The following BOC variants were observed in gnomAD, a reference collection of about 807,000 sequenced individuals.
BOC encodes the protein brother of CDO.
Under a neutral mutation model 112.0 loss-of-function variants are expected in BOC, and 76 were observed. The observed-to-expected ratio is 0.68, with a 90% CI of 0.56 to 0.82. The LOEUF (loss-of-function observed/expected upper bound fraction) is 0.82, where lower values mean the gene tolerates loss of function less well. Ranked by LOEUF, BOC falls within the 40% of genes least tolerant of loss-of-function variation. The pLI is 0.00. For synonymous variants in BOC, 580 were observed against 599.8 expected, an observed-to-expected ratio of 0.97 and a Z score of 0.48; for missense variants, 1,309 against 1,511.7, an observed-to-expected ratio of 0.87 and a Z score of 2.22.
chr3:113,224,477 T>G (rs1291182514), intron 2 of BOC, among the ~76,000 whole-genome samples: 1 of 151,726 alleles, frequency 6.6e-6, no homozygotes, highest in African/African-American at 2.4e-5. Context: ...ATGGTGGATT[T>G]TATAAGGCAT....
rs9822391 is a variant in BOC at position 113,216,266 on chromosome 3, G to C, written c.-90G>C. On this transcript the variant is annotated 5_prime_UTR_variant, in exon 2 of 20. Coordinates refer to ENST00000682979, the MANE Select transcript of BOC (RefSeq NM_001378074.1). ...ACCGTCTGAGGGTAGCAGCTCGAAA[G>C]TAGAAGAAGTGGGTGAGGTTTTCTC... 47,859 of 455,872 alleles carry C rather than the reference G, an allele frequency of 0.1. 2,744 individuals are homozygous for C. Among genetic ancestry groups the C allele is most frequent in the East Asian group, 0.21 (2,972 of 14,374 alleles). 28.2% of individuals were successfully genotyped at this position (455,872 alleles called of 1,614,324 possible). A position where few individuals can be genotyped will look rare whatever the true frequency, so the allele number is the denominator to read the frequency against.
intron 2 of BOC, among the ~76,000 whole-genome samples, chr3:113,216,678 G>A (rs1939445991): frequency 6.6e-6 from 1 of 152,200 alleles, no homozygotes; most frequent in South Asian, 2.1e-4. Context: ...ACAAAAATCA[G>A]CGGGATTGTG....
At chr3:113,272,769 A>G (rs1485543328) in intron 7 of BOC, 66 bp downstream of exon 7, 2 of 1,553,960 alleles carry the variant, frequency 1.3e-6, no homozygotes, top group Non-Finnish European at 1.8e-6. Context: ...CTTTCTAGAA[A>G]TGTAACCCAG....
rs1187094404 is a variant in BOC at position 113,278,517 on chromosome 3, C to T, written c.1706-156C>T. Among the ~76,000 whole-genome samples, 1 of 152,106 alleles carries T rather than the reference C, an allele frequency of 6.6e-6. No homozygotes were observed. The highest frequency in any genetic ancestry group is 1.5e-5 in the Non-Finnish European group (1 of 68,012). On this transcript the variant is annotated intron_variant, in intron 10 of 19. Coordinates refer to ENST00000682979, the MANE Select transcript of BOC (RefSeq NM_001378074.1). The surrounding 1 kb of genome is among the most constrained non-coding windows in gnomAD (Gnocchi z 4.2). ...GCAATAGTACCACAACAGAACCAGT[C>T]TCGGCCGAGGCTGAGCCCACACCCT...
rs757115927 is a variant in BOC at position 113,278,115 on chromosome 3, C to A, written c.1563C>A (p.Asp521Glu). Residue 521 changes from aspartate to glutamate, a missense_variant, in exon 10 of 20, where the codon GAC becomes GAA. By Grantham distance (45) the Asp-to-Glu change is conservative. Coordinates refer to ENST00000682979, the MANE Select transcript of BOC (RefSeq NM_001378074.1). The surrounding 1 kb of genome is among the most constrained non-coding windows in gnomAD (Gnocchi z 4.2). ...KHRKQVTNSSDDWTISGIPAN... is the reference protein window; with the variant it reads ...KHRKQVTNSSEDWTISGIPAN... ...TCCAGCAGGTCACAAATTCCTCTGACGATTGGACCATCTCTGGCATTCCAG... is the reference window on the plus strand; with the variant it reads ...TCCAGCAGGTCACAAATTCCTCTGAAGATTGGACCATCTCTGGCATTCCAG... 1 of 1,614,214 alleles carries A rather than the reference C, an allele frequency of 6.2e-7. No homozygotes were observed. Among genetic ancestry groups the A allele is most frequent in the South Asian group, 1.1e-5 (1 of 91,086 alleles).
At chr3:113,268,691 C>T (rs1282471126) in intron 5 of BOC, among the ~76,000 whole-genome samples, 1 of 152,206 alleles carries the variant, frequency 6.6e-6, no homozygotes, top group Non-Finnish European at 1.5e-5. Flanking sequence ...ACTGCAGCCT[C>T]CATCACCAAG....
At chr3:113,260,753 G>GAACAGAACAGAACAGAACA (rs1559854500) in intron 4 of BOC, among the ~76,000 whole-genome samples, 5 of 151,556 alleles carry the variant, frequency 3.3e-5, no homozygotes, top group South Asian at 2.1e-4. Context: ...GAACAGAACA[G>GAACAGAACAGAACAGAACA]GTTTTCACCA....
At chr3:113,253,380 G>C (rs915313375) in intron 4 of BOC, among the ~76,000 whole-genome samples, 2 of 151,690 alleles carry the variant, frequency 1.3e-5, no homozygotes, top group Non-Finnish European at 2.9e-5. Context: ...ATTTGAGGTT[G>C]GGATTTTGAG....
Position 113,278,898 on chromosome 3 carries a change from TC to T in BOC, c.1816+118del. Reference sequence around the variant, plus strand: ...GTAGGTCCAGGGTTTTTATGACATCTCCCAGTTAACCACAATGAGGAAATGT... The same window carrying T: ...GTAGGTCCAGGGTTTTTATGACATCTCCAGTTAACCACAATGAGGAAATGT... On this transcript the variant is annotated intron_variant, in intron 11 of 19. Coordinates refer to ENST00000682979, the MANE Select transcript of BOC (RefSeq NM_001378074.1). This position sits in a 1 kb window ranked among gnomAD's most constrained non-coding sequence, Gnocchi z 4.2. 1.2e-6 allele frequency: 1 copy of T among 852,940 alleles called. No individual in the cohort carries two copies. The highest frequency in any genetic ancestry group is 1.8e-6 in the Non-Finnish European group (1 of 547,022). 52.8% of individuals were successfully genotyped at this position (852,940 alleles called of 1,614,324 possible). A position where few individuals can be genotyped will look rare whatever the true frequency, so the allele number is the denominator to read the frequency against.
intron 4 of BOC, chr3:113,251,297 AC>A (rs921228276): frequency 1.7e-5 from 4 of 229,926 alleles, no homozygotes; most frequent in Non-Finnish European, 2.6e-5. Flanking sequence ...TGTAGTCTGG[AC>A]AGAGCCCACC....
At chr3:113,218,138 T>C (rs1939833542) in intron 2 of BOC, among the ~76,000 whole-genome samples, 1 of 152,174 alleles carries the variant, frequency 6.6e-6, no homozygotes, top group South Asian at 2.1e-4. Flanking sequence ...GGATGGGAGC[T>C]ACAGGTGAGG....
intron 2 of BOC, among the ~76,000 whole-genome samples, chr3:113,234,587 A>G (rs998978508): frequency 6.6e-6 from 1 of 152,192 alleles, no homozygotes; most frequent in Non-Finnish European, 1.5e-5. Flanking sequence ...CTCATTGAAG[A>G]CTGGAGGCTG....
intron 2 of BOC, among the ~76,000 whole-genome samples, chr3:113,234,489 T>C (rs1315126891): frequency 2.0e-5 from 3 of 152,234 alleles, no homozygotes; most frequent in Non-Finnish European, 4.4e-5. Flanking sequence ...GTTTATCTTG[T>C]AGCTTAACCT....
intron 4 of BOC, among the ~76,000 whole-genome samples, chr3:113,256,276 TAGAGGGCTGGCTTCTTATAA>T (rs1026000121): frequency 5.9e-5 from 9 of 152,136 alleles, no homozygotes; most frequent in Non-Finnish European, 2.9e-5. Flanking sequence ...CCAGAACCAA[TAGAGGGCTGGCTTCTTATAA>T]AGAGAGAACT....
At chr3:113,236,137 A>G (rs767230020) in intron 2 of BOC, among the ~76,000 whole-genome samples, 8 of 150,824 alleles carry the variant, frequency 5.3e-5, no homozygotes, top group Non-Finnish European at 1.0e-4. Flanking sequence ...GCACTATATC[A>G]CAATAGCAAA....
chr3:113,225,388 C>A (rs1576335691), intron 2 of BOC, among the ~76,000 whole-genome samples: 1 of 152,288 alleles, frequency 6.6e-6, no homozygotes, highest in East Asian at 1.9e-4. Context: ...GAGTTCTGTA[C>A]AAAGGAGGAA....
chr3:113,231,750 T>C (rs964832979), intron 2 of BOC, among the ~76,000 whole-genome samples: 4 of 152,234 alleles, frequency 2.6e-5, no homozygotes, highest in Non-Finnish European at 4.4e-5. Context: ...TTTTAGAATA[T>C]TCCTCACTAA....
chr3:113,284,641 T>C, intron 17 of BOC, 74 bp downstream of exon 17: 40 of 1,523,566 alleles, frequency 2.6e-5, no homozygotes, highest in Non-Finnish European at 3.6e-5. Flanking sequence ...TTGGGGGGCC[T>C]CCTCCCTCCT....
chr3:113,253,451 T>C (rs535511993), intron 4 of BOC, among the ~76,000 whole-genome samples: 58 of 151,858 alleles, frequency 3.8e-4, no homozygotes, highest in African/African-American at 1.3e-3. Context: ...CGTGCACTTG[T>C]ATTGCTAGCT....
Sources: gnomAD v4.1 joint callset for allele counts (sites outside exome capture counted in the v4.1 genomes callset) on GRCh38, gnomAD v4.1.1 for gene constraint, Gnocchi (gnomAD v3.1) non-coding constraint, MANE v1.5 for transcripts, NCBI Gene and HGNC (gene_info 2026-07-23, HGNC 2026-07-21) for gene names.